Variants in ADAM10 observed in about 807,000 individuals in gnomAD.
ADAM10 encodes disintegrin and metalloproteinase domain-containing protein 10.
Under a neutral mutation model 90.1 loss-of-function variants are expected in ADAM10, and 17 were observed. The observed-to-expected ratio is 0.19, with a 90% CI of 0.13 to 0.28. The LOEUF (loss-of-function observed/expected upper bound fraction) is 0.28, where lower values mean the gene tolerates loss of function less well. Ranked by LOEUF, ADAM10 falls within the 10% of genes least tolerant of loss-of-function variation. The pLI is 1.00. For missense variants in ADAM10, 610 were observed against 914.3 expected, an observed-to-expected ratio of 0.67 and a Z score of 4.29; for synonymous variants, 310 against 298.6, an observed-to-expected ratio of 1.04 and a Z score of -0.40.
chr15:58,701,314 T>C (rs1362281536), intron 2 of ADAM10, among the ~76,000 whole-genome samples: 13 of 151,942 alleles, frequency 8.6e-5, no homozygotes, highest in African/African-American at 2.7e-4. Context: ...CACAGAAATG[T>C]TGGTTTGTGT....
At chr15:58,676,032 A>C (rs1897297555) in intron 4 of ADAM10, 1 of 220,514 alleles carries the variant, frequency 4.5e-6, no homozygotes, top group Non-Finnish European at 9.3e-6. Flanking sequence ...ATACACATTA[A>C]AGGGCATCCT....
intron 14 of ADAM10, among the ~76,000 whole-genome samples, chr15:58,606,027 T>C (rs1227153490): frequency 1.3e-5 from 2 of 152,186 alleles, no homozygotes; most frequent in South Asian, 2.1e-4. Flanking sequence ...GATAATCTAC[T>C]GTTCTTAAAG....
chr15:58,742,556 T>C (rs1181394447), intron 1 of ADAM10, among the ~76,000 whole-genome samples: 1 of 152,194 alleles, frequency 6.6e-6, no homozygotes, highest in Non-Finnish European at 1.5e-5. Context: ...CCCTGAGAAA[T>C]ATTCTCAGCA....
intron 1 of ADAM10, among the ~76,000 whole-genome samples, chr15:58,727,578 T>C (rs1182731841): frequency 6.6e-6 from 1 of 152,190 alleles, no homozygotes; most frequent in Non-Finnish European, 1.5e-5. Context: ...GTAATCCTAC[T>C]GGCTTGGCCT....
At chr15:58,690,048 C>A (rs1897735241) in intron 2 of ADAM10, among the ~76,000 whole-genome samples, 1 of 148,678 alleles carries the variant, frequency 6.7e-6, no homozygotes, top group African/African-American at 2.5e-5. Context: ...ATAAAAAGGA[C>A]AATACATCAT....
intron 1 of ADAM10, among the ~76,000 whole-genome samples, chr15:58,722,503 C>T (rs1398302914): frequency 1.3e-5 from 2 of 149,722 alleles, no homozygotes; most frequent in Admixed American, 6.7e-5. Context: ...GGCCAGTGCA[C>T]TCCAGCCTAG....
At chr15:58,647,085 A>C (rs1375519092) in intron 5 of ADAM10, among the ~76,000 whole-genome samples, 1 of 152,046 alleles carries the variant, frequency 6.6e-6, no homozygotes, top group Admixed American at 6.5e-5. Flanking sequence ...TGTCTCTTAC[A>C]TAGTGCAACC....
At chr15:58,699,609 C>A (rs1456363455) in intron 2 of ADAM10, among the ~76,000 whole-genome samples, 2 of 151,760 alleles carry the variant, frequency 1.3e-5, no homozygotes. Flanking sequence ...CCTATCTCTA[C>A]AAAAAATTTT....
intron 1 of ADAM10, among the ~76,000 whole-genome samples, 168 bp downstream of exon 1, chr15:58,749,312 C>A (rs1447590948): frequency 6.6e-6 from 1 of 152,052 alleles, no homozygotes; most frequent in African/African-American, 2.4e-5. Context: ...GGAAAGCGGT[C>A]GGGGCGCGGG....
rs888988761 is a variant in ADAM10, at chr15:58,748,968, A to G, written c.55+512T>C. On this transcript the variant is annotated intron_variant, in intron 1 of 15. Coordinates refer to ENST00000260408, the MANE Select transcript of ADAM10 (RefSeq NM_001110.4). Reference sequence around the variant, plus strand: ...CACGAGCCCAGCTGCAAACAACACAACTTCCCACGAGTCTGCGCGGCGGGT... The same window carrying G: ...CACGAGCCCAGCTGCAAACAACACAGCTTCCCACGAGTCTGCGCGGCGGGT... 5.3e-5 allele frequency: 21 copies of G among 398,384 alleles called. No homozygotes were observed. In the Admixed American group the frequency reaches 9.3e-4, roughly 18 times the overall value. 24.7% of individuals were successfully genotyped at this position (398,384 alleles called of 1,614,324 possible). A position where few individuals can be genotyped will look rare whatever the true frequency, so the allele number is the denominator to read the frequency against.
chr15:58,704,443 G>A (rs1308760049), intron 2 of ADAM10, among the ~76,000 whole-genome samples: 1 of 152,114 alleles, frequency 6.6e-6, no homozygotes, highest in Admixed American at 6.6e-5. Flanking sequence ...GCCATAATGG[G>A]ACATAAAGCC....
intron 4 of ADAM10, among the ~76,000 whole-genome samples, chr15:58,667,199 T>C (rs1897099422): frequency 6.6e-6 from 1 of 152,166 alleles, no homozygotes; most frequent in South Asian, 2.1e-4. Context: ...CAGCTTTAGA[T>C]CTATTGCCTT....
chr15:58,638,366 C>T (rs1443630469), intron 8 of ADAM10, among the ~76,000 whole-genome samples: 1 of 151,804 alleles, frequency 6.6e-6, no homozygotes, highest in East Asian at 1.9e-4. Context: ...TTAAGAAGAC[C>T]CTAATAATGA....
intron 1 of ADAM10, among the ~76,000 whole-genome samples, chr15:58,743,836 C>T (rs1899696419): frequency 6.6e-6 from 1 of 152,198 alleles, no homozygotes; most frequent in African/African-American, 2.4e-5. Context: ...GAACTCCTGA[C>T]CTTTCAGGTG....
rs1242082386 is a variant in ADAM10, at chr15:58,588,972, G to T, written c.*8575C>A. 3 of 152,246 alleles carry T rather than the reference G, an allele frequency of 2.0e-5. No individual in the cohort carries two copies. The highest frequency in any genetic ancestry group is 2.0e-4 in the Admixed American group (3 of 15,284). 9.4% of individuals were successfully genotyped at this position (152,246 alleles called of 1,614,324 possible). On this transcript the variant is annotated 3_prime_UTR_variant, in exon 16 of 16. Coordinates refer to ENST00000260408, the MANE Select transcript of ADAM10 (RefSeq NM_001110.4). ...ATAAATACAGTGCATATTAGATTTT[G>T]AAAGAAAATTTATCTCCAGGTATGA...
intron 1 of ADAM10, among the ~76,000 whole-genome samples, chr15:58,731,531 G>A (rs1899240922): frequency 6.6e-6 from 1 of 152,144 alleles, no homozygotes; most frequent in African/African-American, 2.4e-5. Flanking sequence ...AAGAGGCTGA[G>A]GTGGGAGAAT....
At chr15:58,628,723 G>A (rs971401798) in intron 9 of ADAM10, among the ~76,000 whole-genome samples, 1 of 151,920 alleles carries the variant, frequency 6.6e-6, no homozygotes, top group Non-Finnish European at 1.5e-5. Context: ...ATCAGAAGGG[G>A]CAAAAAACAC....
At chr15:58,744,891 T>C (rs1412329190) in intron 1 of ADAM10, among the ~76,000 whole-genome samples, 3 of 152,058 alleles carry the variant, frequency 2.0e-5, no homozygotes, top group Non-Finnish European at 2.9e-5. Context: ...AAATTTACAA[T>C]TGTATTCCCA....
At chr15:58,723,890 T>C (rs993743826) in intron 1 of ADAM10, among the ~76,000 whole-genome samples, 13 of 151,996 alleles carry the variant, frequency 8.6e-5, no homozygotes, top group Admixed American at 6.6e-4. Context: ...CAAACGACAT[T>C]TGGAAACAAT....
Sources: gnomAD v4.1 joint callset for allele counts (sites outside exome capture counted in the v4.1 genomes callset) on GRCh38, gnomAD v4.1.1 for gene constraint, MANE v1.5 for transcripts, NCBI Gene and HGNC (gene_info 2026-07-23, HGNC 2026-07-21) for gene names.